The following LIPI variants were observed in gnomAD, a reference collection of about 807,000 sequenced individuals.
LIPI encodes lipase member I.
LIPI carries 59 observed loss-of-function variants against 50.6 expected under a neutral mutation model. That is an observed-to-expected ratio of 1.16 (90% CI 0.94 to 1.45). The LOEUF is 1.45. Among genes scored for constraint, LIPI ranks in the 40% most tolerant of loss-of-function variants. The pLI, the probability that LIPI is intolerant of heterozygous loss-of-function variation, is 0.00. For synonymous variants in LIPI, 203 were observed against 178.2 expected (o/e 1.14, Z -1.11); for missense variants, 586 against 536.3 (o/e 1.09, Z -0.92).
chr21:14,170,386 C>T (rs561720200), intron 4 of LIPI, among the ~76,000 whole-genome samples: 467 of 152,170 alleles, frequency 3.1e-3, no homozygotes, highest in Middle Eastern at 0.01. Flanking sequence ...CATCCTGATA[C>T]CAAAGCCTGG....
chr21:14,206,984 G>C, intron 1 of LIPI: 4 of 1,133,640 alleles, frequency 3.5e-6, no homozygotes, highest in Middle Eastern at 2.0e-4. Context: ...TAAGAAGGAA[G>C]ACCCTTTTGG....
rs778354712 is a variant in LIPI, at chr21:14,189,090, C to T, written c.376G>A (p.Val126Ile). The part of the protein sequence containing the change: ...GATTFIYNRA[V>I]KNTRKVAVSL... ...ACAGCAACTTTTCTGGTGTTTTTAA[C>T]TGCTCTATTATAAATAAAAGTTGTA... is the stretch of plus-strand genomic sequence containing the variant. Residue 126 changes from valine (V) to isoleucine (I), a missense_variant, in exon 2 of 10, where the codon GTT becomes ATT. Physicochemically the swap from Val to Ile is conservative, Grantham distance 29 (BLOSUM62 3). Transcript: ENST00000681601. The T allele has an allele frequency of 1.2e-6, 2 of 1,611,644 alleles. No individual in the cohort carries two copies. The highest frequency in any genetic ancestry group is 2.7e-5 in the African/African-American group (2 of 74,932).
intron 4 of LIPI, among the ~76,000 whole-genome samples, chr21:14,180,399 T>C (rs1312702830): frequency 6.6e-6 from 1 of 152,194 alleles, no homozygotes; most frequent in Non-Finnish European, 1.5e-5. Context: ...CAAGCGGGCA[T>C]TGTGGTCCTA....
chr21:14,112,839 G>A (rs2016469078), intron 9 of LIPI, among the ~76,000 whole-genome samples: 1 of 152,022 alleles, frequency 6.6e-6, no homozygotes, highest in Admixed American at 6.6e-5. Flanking sequence ...CTTGTATATT[G>A]ATTTTGTTTC....
intron 7 of LIPI, among the ~76,000 whole-genome samples, chr21:14,157,577 T>C (rs142241847): frequency 9.5e-4 from 144 of 151,782 alleles, no homozygotes; most frequent in Middle Eastern, 3.4e-3. Flanking sequence ...GAGTATAAAA[T>C]GAGAAAAAGT....
At chr21:14,185,116 C>A (rs530408094) in intron 3 of LIPI, among the ~76,000 whole-genome samples, 1 of 152,204 alleles carries the variant, frequency 6.6e-6, no homozygotes, top group East Asian at 1.9e-4. Flanking sequence ...AAAGTCACTA[C>A]CACTCATAGA....
intron 1 of LIPI, among the ~76,000 whole-genome samples, chr21:14,198,383 T>G (rs972593109): frequency 6.6e-6 from 1 of 151,986 alleles, no homozygotes; most frequent in African/African-American, 2.4e-5. Flanking sequence ...CCATCTCACA[T>G]GCAATGACAA....
chr21:14,166,006 C>T (rs1224876592), intron 5 of LIPI, among the ~76,000 whole-genome samples: 1 of 152,112 alleles, frequency 6.6e-6, no homozygotes, highest in African/African-American at 2.4e-5. Context: ...TGTCTTTGTA[C>T]AGTAATATGG....
chr21:14,170,465 A>G (rs2018856277), intron 4 of LIPI, among the ~76,000 whole-genome samples: 1 of 152,226 alleles, frequency 6.6e-6, no homozygotes, highest in Admixed American at 6.5e-5. Flanking sequence ...AAAATCCTCA[A>G]TAAAATACTG....
chr21:14,151,808 A>G lies in LIPI; in HGVS notation c.1118+765T>C, dbSNP rs146457273. Reference sequence around the variant, plus strand: ...TTAAAATATGTACACACACTTGCACATACATATGTACATACATAAAAAGTT... The same window carrying G: ...TTAAAATATGTACACACACTTGCACGTACATATGTACATACATAAAAAGTT... On this transcript the variant is annotated intron_variant, in intron 8 of 9. Transcript: ENST00000681601. Among the ~76,000 whole-genome samples the G allele has an allele frequency of 4.0e-3, 615 of 152,240 alleles. 4 individuals are homozygous for G. Among genetic ancestry groups the G allele is most frequent in the African/African-American group, 0.014 (590 of 41,556 alleles).
chr21:14,142,925 G>A (rs2017766497), intron 9 of LIPI, among the ~76,000 whole-genome samples: 1 of 151,996 alleles, frequency 6.6e-6, no homozygotes, highest in African/African-American at 2.4e-5. Flanking sequence ...CTGACATCAA[G>A]TTCCCTAAGA....
At chr21:14,188,975 T>C (rs2123280108) in intron 2 of LIPI, 59 bp downstream of exon 2, 2 of 1,335,118 alleles carry the variant, frequency 1.5e-6, no homozygotes, top group Non-Finnish European at 2.1e-6. Context: ...CACTGCATAT[T>C]GTATAGCACG....
chr21:14,204,350 G>C (rs1464545137), intron 1 of LIPI, among the ~76,000 whole-genome samples: 1 of 150,842 alleles, frequency 6.6e-6, no homozygotes, highest in Non-Finnish European at 1.5e-5. Context: ...AAAACAGAAA[G>C]AAGAGGAAAA....
At chr21:14,185,268 A>G (rs960905225) in intron 3 of LIPI, among the ~76,000 whole-genome samples, 4 of 152,210 alleles carry the variant, frequency 2.6e-5, no homozygotes, top group African/African-American at 9.6e-5. Context: ...TTCAAGTAAA[A>G]ATTTTTAGAG....
intron 4 of LIPI, among the ~76,000 whole-genome samples, chr21:14,181,476 C>A (rs1353385714): frequency 2.0e-5 from 3 of 152,042 alleles, no homozygotes; most frequent in African/African-American, 7.2e-5. Context: ...TTGTCAACAG[C>A]ATGAACAGAA....
At chr21:14,155,773 C>T (rs1284506611) in intron 7 of LIPI, among the ~76,000 whole-genome samples, 1 of 151,782 alleles carries the variant, frequency 6.6e-6, no homozygotes, top group Non-Finnish European at 1.5e-5. Flanking sequence ...GACAAAGAAA[C>T]AGTAAAAAAC....
At chr21:14,182,732 T>C (rs1461674177) in intron 3 of LIPI, among the ~76,000 whole-genome samples, 1 of 147,142 alleles carries the variant, frequency 6.8e-6, no homozygotes, top group East Asian at 2.0e-4. Flanking sequence ...ACAAATGGCA[T>C]TCACAGTTGC....
At chr21:14,147,696 A>G (rs2017954476) in intron 8 of LIPI, among the ~76,000 whole-genome samples, 1 of 152,212 alleles carries the variant, frequency 6.6e-6, no homozygotes, top group African/African-American at 2.4e-5. Flanking sequence ...CTTTTAGCTC[A>G]GTATAATAGC....
At chr21:14,173,219 G>C (rs1238274922) in intron 4 of LIPI, among the ~76,000 whole-genome samples, 3 of 152,200 alleles carry the variant, frequency 2.0e-5, no homozygotes, top group Non-Finnish European at 2.9e-5. Flanking sequence ...CGGAGCAAAG[G>C]AAGCCAAGTC....
Sources: gnomAD v4.1 joint callset for allele counts (sites outside exome capture counted in the v4.1 genomes callset) on GRCh38, gnomAD v4.1.1 for gene constraint, MANE v1.5 for transcripts, NCBI Gene and HGNC (gene_info 2026-07-23, HGNC 2026-07-21) for gene names.